Variants in C12orf56 observed in about 807,000 individuals in gnomAD.
The protein encoded by C12orf56 is chromosome 12 open reading frame 56.
C12orf56 carries 71 observed loss-of-function variants against 69.9 expected under a neutral mutation model. That is an observed-to-expected ratio of 1.02 (90% CI 0.84 to 1.24). C12orf56 has a LOEUF of 1.24. Ranked by LOEUF, C12orf56 falls within the 50% of genes most tolerant of loss-of-function variation. C12orf56 has a pLI of 0.00. For synonymous variants in C12orf56, 276 were observed against 274.1 expected, an observed-to-expected ratio of 1.01 and a Z score of -0.07; for missense variants, 732 against 738.5, an observed-to-expected ratio of 0.99 and a Z score of 0.10.
At chr12:64,364,744 C>T (rs1164283886) in intron 1 of C12orf56, among the ~76,000 whole-genome samples, 2 of 152,046 alleles carry the variant, frequency 1.3e-5, no homozygotes, top group Non-Finnish European at 2.9e-5. Flanking sequence ...AATATAAAAG[C>T]GTTTCTGAAT....
chr12:64,286,056 C>G lies in C12orf56; in HGVS notation c.1118G>C (p.Ser373Thr), dbSNP rs779788875. 1.3e-6 allele frequency: 2 copies of G among 1,590,710 alleles called. No homozygotes were observed. The highest frequency in any genetic ancestry group is 4.5e-5 in the East Asian group (2 of 44,696). ...FILKRLFWKTSDLFYFIVNKL... is the reference protein window; with the variant it reads ...FILKRLFWKTTDLFYFIVNKL... The stretch of plus-strand genomic sequence containing the variant: ...GTTTACTATGAAATAGAAAAGGTCA[C>G]TGGTCTGTGAAAGCAAGTTGGAAAA... The change falls in exon 7 of 13, where the codon AGT (serine) becomes ACT (threonine). Residue 373 changes from serine to threonine, a missense_variant. Physicochemically the swap from Ser to Thr is moderately conservative, Grantham distance 58. Coordinates refer to ENST00000543942, the MANE Select transcript of C12orf56 (RefSeq NM_001170633.2).
chr12:64,308,893 A>G (rs895923592), intron 5 of C12orf56, among the ~76,000 whole-genome samples: 12 of 61,898 alleles, frequency 1.9e-4, no homozygotes, highest in East Asian at 1.5e-3. Flanking sequence ...AGAAAGGAAG[A>G]AAGAAAGAAA....
chr12:64,338,087 T>C (rs2039020358), intron 2 of C12orf56: 9 of 443,482 alleles, frequency 2.0e-5, no homozygotes, highest in Middle Eastern at 8.3e-4. Flanking sequence ...AAGAGGAAGC[T>C]ACAGAGACAT....
intron 2 of C12orf56, among the ~76,000 whole-genome samples, chr12:64,349,038 C>T (rs1565768560): frequency 6.6e-6 from 1 of 152,234 alleles, no homozygotes; most frequent in East Asian, 1.9e-4. Flanking sequence ...TGCTGCACAG[C>T]CTGGAGTGCA....
At chr12:64,289,385 T>G (rs1431621151) in intron 6 of C12orf56, among the ~76,000 whole-genome samples, 6 of 111,254 alleles carry the variant, frequency 5.4e-5, no homozygotes, top group Non-Finnish European at 1.2e-4. Context: ...TCCAACACTA[T>G]GTTGAATAGG....
intron 2 of C12orf56, chr12:64,352,384 C>T (rs2039240879): frequency 6.6e-6 from 1 of 152,306 alleles, no homozygotes. Flanking sequence ...AAACAGCGCC[C>T]CCTGTCAGCT....
intron 4 of C12orf56, among the ~76,000 whole-genome samples, chr12:64,316,847 A>G (rs2038697094): frequency 6.6e-6 from 1 of 152,240 alleles, no homozygotes; most frequent in Non-Finnish European, 1.5e-5. Flanking sequence ...GAAATTAACA[A>G]TAGATATTAG....
intron 1 of C12orf56, among the ~76,000 whole-genome samples, chr12:64,387,123 T>TTGAGCCCACCCAGATACTCCAGATTA (rs2039805432): frequency 8.2e-6 from 1 of 121,622 alleles, no homozygotes; most frequent in Non-Finnish European, 1.7e-5. Flanking sequence ...TGTGTTCACA[T>TTGAGCCCACCCAGATACTCCAGATTA]TGAGCCCACC....
At chr12:64,297,368 TAGAG>T (rs1188372341) in intron 6 of C12orf56, among the ~76,000 whole-genome samples, 1 of 149,922 alleles carries the variant, frequency 6.7e-6, no homozygotes, top group Non-Finnish European at 1.5e-5. Context: ...AGACCACAAA[TAGAG>T]AGACTACCCA....
At chr12:64,380,357 A>G (rs1457928251) in intron 1 of C12orf56, among the ~76,000 whole-genome samples, 1 of 152,084 alleles carries the variant, frequency 6.6e-6, no homozygotes, top group Non-Finnish European at 1.5e-5. Context: ...CTCCTTCTCT[A>G]AGAGATAAGC....
At chr12:64,333,148 A>T (rs1489042169) in intron 2 of C12orf56, among the ~76,000 whole-genome samples, 1 of 152,196 alleles carries the variant, frequency 6.6e-6, no homozygotes, top group Non-Finnish European at 1.5e-5. Context: ...GCTTCAGATC[A>T]CAGATTACAG....
chr12:64,370,348 G>A (rs545284839), intron 1 of C12orf56, among the ~76,000 whole-genome samples: 29 of 149,372 alleles, frequency 1.9e-4, no homozygotes, highest in African/African-American at 4.7e-4. Flanking sequence ...CTGCCCATGC[G>A]CCCCCCCAAA....
chr12:64,355,929 C>A (rs1346402861), intron 1 of C12orf56: 1 of 152,140 alleles, frequency 6.6e-6, no homozygotes, highest in African/African-American at 2.4e-5. Context: ...CTTTGGGTGG[C>A]CCAGCTGGGC....
At chr12:64,267,578 G>A (rs765289992) in intron 12 of C12orf56, 4 of 353,894 alleles carry the variant, frequency 1.1e-5, no homozygotes, top group Non-Finnish European at 2.0e-5. Context: ...GGTTTATCAG[G>A]CAATGCGCAG....
At chr12:64,385,243 G>C (rs1330142813) in intron 1 of C12orf56, among the ~76,000 whole-genome samples, 1 of 152,150 alleles carries the variant, frequency 6.6e-6, no homozygotes, top group African/African-American at 2.4e-5. Context: ...CACATACTGA[G>C]ATCGTGAAGT....
At chr12:64,340,465 C>A (rs1221749417) in intron 2 of C12orf56, among the ~76,000 whole-genome samples, 1 of 152,084 alleles carries the variant, frequency 6.6e-6, no homozygotes, top group African/African-American at 2.4e-5. Flanking sequence ...TCATACATAA[C>A]CTTCAAATAA....
At chr12:64,341,546 C>T (rs886642257) in intron 2 of C12orf56, among the ~76,000 whole-genome samples, 2 of 152,148 alleles carry the variant, frequency 1.3e-5, no homozygotes, top group Admixed American at 6.6e-5. Flanking sequence ...GAGCCCACAT[C>T]ACACTTCTTT....
chr12:64,380,120 A>AC (rs1592504511), intron 1 of C12orf56, among the ~76,000 whole-genome samples: 4 of 91,868 alleles, frequency 4.4e-5, no homozygotes, highest in African/African-American at 1.4e-4. Flanking sequence ...AAAAAAAAAA[A>AC]AAAAAAAAAA....
intron 2 of C12orf56, among the ~76,000 whole-genome samples, chr12:64,331,272 G>A (rs1426007926): frequency 4.6e-5 from 7 of 152,130 alleles, no homozygotes; most frequent in Non-Finnish European, 7.3e-5. Flanking sequence ...AGGCTGAAGT[G>A]GGAGGATCAC....
Sources: allele counts gnomAD v4.1 joint callset (sites outside exome capture counted in the v4.1 genomes callset), GRCh38; gene constraint gnomAD v4.1.1; transcripts MANE v1.5; gene names NCBI Gene and HGNC (gene_info 2026-07-23, HGNC 2026-07-21).